ZDHHC7: variants seen among roughly 807,000 people sequenced by gnomAD.
ZDHHC7 encodes palmitoyltransferase ZDHHC7.
ZDHHC7 carries 12 observed loss-of-function variants against 34.1 expected under a neutral mutation model. That is an observed-to-expected ratio of 0.35 (90% CI 0.23 to 0.57). The LOEUF is 0.57. Ranked by LOEUF, ZDHHC7 falls within the 20% of genes least tolerant of loss-of-function variation. The pLI is 0.84. For missense variants in ZDHHC7, 388 were observed against 402.7 expected (o/e 0.96, Z 0.31); for synonymous variants, 185 against 155.4 (o/e 1.19, Z -1.42).
the ZDHHC7 span, among the ~76,000 whole-genome samples, chr16:85,025,557 C>G: frequency 6.6e-6 from 1 of 152,138 alleles, no homozygotes; most frequent in Non-Finnish European, 1.5e-5. Flanking sequence ...CTACAGGCAC[C>G]TGCCACCATG....
chr16:85,019,357 G>A, the ZDHHC7 span, among the ~76,000 whole-genome samples: 1 of 152,138 alleles, frequency 6.6e-6, no homozygotes, highest in African/African-American at 2.4e-5. Flanking sequence ...TCCAAAAGTA[G>A]GCACTCATGT....
chr16:84,979,949 CTTTTTT>C (rs561019555), intron 4 of ZDHHC7, among the ~76,000 whole-genome samples: 2 of 96,006 alleles, frequency 2.1e-5, no homozygotes, highest in African/African-American at 4.4e-5. Context: ...ATAGCGTCAC[CTTTTTT>C]TTTTTTTTTT....
At chr16:84,982,742 C>T (rs891631649) in intron 3 of ZDHHC7, among the ~76,000 whole-genome samples, 3 of 152,254 alleles carry the variant, frequency 2.0e-5, no homozygotes, top group Admixed American at 6.5e-5. Flanking sequence ...TGTCTGGCAA[C>T]GAGGCCGCCC....
chr16:85,019,600 C>T, the ZDHHC7 span, among the ~76,000 whole-genome samples: 1 of 152,070 alleles, frequency 6.6e-6, no homozygotes, highest in Non-Finnish European at 1.5e-5. Context: ...ACCTGTAATC[C>T]CAGCTACCCA....
intron 4 of ZDHHC7, among the ~76,000 whole-genome samples, 181 bp downstream of exon 4, chr16:84,981,689 C>T (rs560936247): frequency 2.0e-5 from 3 of 152,292 alleles, no homozygotes; most frequent in African/African-American, 7.2e-5. Flanking sequence ...TCTAGGGCAC[C>T]GGCCCTTTAC....
rs145046281 is a variant in ZDHHC7 at position 84,992,944 on chromosome 16, G to A, written c.-17-2309C>T. Among the ~76,000 whole-genome samples the A allele has an allele frequency of 2.9e-3, 447 of 152,246 alleles. 3 individuals carry two copies. Among genetic ancestry groups the A allele is most frequent in the African/African-American group, 0.01 (428 of 41,540 alleles). On this transcript the variant is annotated intron_variant, in intron 2 of 7. Transcript: ENST00000313732. ...CAAATACTTTAAAAAATTTCCTCTC[G>A]ATGCAAAAATGCTGACTGGTACAAG...
At chr16:84,997,795 A>G (rs746290131) in intron 1 of ZDHHC7, among the ~76,000 whole-genome samples, 61 of 145,718 alleles carry the variant, frequency 4.2e-4, no homozygotes, top group Non-Finnish European at 8.2e-4. Context: ...CGGGAGGCTG[A>G]GGCAGGAGAA....
upstream of ZDHHC7, among the ~76,000 whole-genome samples, chr16:85,012,623 G>A (rs938235010): frequency 3.3e-5 from 5 of 152,124 alleles, no homozygotes; most frequent in Middle Eastern, 3.4e-3. Flanking sequence ...CCAGAATAAG[G>A]CCAGGTGTGG....
chr16:84,996,790 A>T (rs2143683661), intron 1 of ZDHHC7, among the ~76,000 whole-genome samples: 1 of 152,242 alleles, frequency 6.6e-6, no homozygotes, highest in East Asian at 1.9e-4. Context: ...GCACTTTGGG[A>T]GGCTGAGGCG....
Position 84,974,556 on chromosome 16 carries a change from A to C in ZDHHC7, c.*1787T>G, listed in dbSNP as rs568432917. 1 of 152,812 alleles carries C rather than the reference A, an allele frequency of 6.5e-6. No individual in the cohort carries two copies. The highest frequency in any genetic ancestry group is 6.5e-5 in the Admixed American group (1 of 15,306). 9.5% of individuals were successfully genotyped at this position (152,812 alleles called of 1,614,324 possible). A position where few individuals can be genotyped will look rare whatever the true frequency, so the allele number is the denominator to read the frequency against. The stretch of plus-strand genomic sequence containing the variant: ...TATACTTGATTTGCACACACTTGCC[A>C]AGTCTCACAGGATTCAACCACTTGG... On this transcript the variant is annotated 3_prime_UTR_variant, in exon 8 of 8. Coordinates refer to ENST00000313732, the MANE Select transcript of ZDHHC7 (RefSeq NM_017740.3).
At chr16:85,006,813 T>C (rs1478234395) in intron 1 of ZDHHC7, among the ~76,000 whole-genome samples, 2 of 152,140 alleles carry the variant, frequency 1.3e-5, no homozygotes, top group Non-Finnish European at 2.9e-5. Context: ...TGCGAAACCT[T>C]CTGGCTCTCC....
chr16:84,991,787 C>T (rs745354441), intron 2 of ZDHHC7, among the ~76,000 whole-genome samples: 3 of 152,190 alleles, frequency 2.0e-5, no homozygotes, highest in Non-Finnish European at 4.4e-5. Flanking sequence ...GTAGAGCCAC[C>T]ATGCCCAGCC....
At chr16:84,990,165 A>G (rs2072489409) in intron 3 of ZDHHC7, 139 bp downstream of exon 3, 1 of 1,036,248 alleles carries the variant, frequency 9.7e-7, no homozygotes, top group Non-Finnish European at 1.4e-6. Flanking sequence ...TCTGCTCCCA[A>G]AATGAGCTCA....
intron 7 of ZDHHC7, among the ~76,000 whole-genome samples, 189 bp from the exon 8 acceptor site, chr16:84,976,708 G>C (rs755382315): frequency 1.3e-5 from 2 of 152,200 alleles, no homozygotes; most frequent in Non-Finnish European, 2.9e-5. Context: ...CTGCAGCCAC[G>C]TGGCCAGCCC....
chr16:84,994,983 C>G (rs2072557737), intron 2 of ZDHHC7, among the ~76,000 whole-genome samples: 2 of 152,164 alleles, frequency 1.3e-5, no homozygotes, highest in South Asian at 4.1e-4. Flanking sequence ...GAAACCATTC[C>G]TTTACATGGA....
chr16:85,004,179 C>T (rs1399090500), intron 1 of ZDHHC7, among the ~76,000 whole-genome samples: 2 of 151,990 alleles, frequency 1.3e-5, no homozygotes, highest in African/African-American at 4.8e-5. Context: ...TCTCAATCAA[C>T]GGCACACCAC....
chr16:84,978,789 G>A (rs1347232549), intron 5 of ZDHHC7, among the ~76,000 whole-genome samples: 1 of 150,520 alleles, frequency 6.6e-6, no homozygotes, highest in African/African-American at 2.4e-5. Flanking sequence ...TTGAACTTGG[G>A]AGGCGGAGGT....
chr16:84,987,352 C>T (rs1002259038), intron 3 of ZDHHC7, among the ~76,000 whole-genome samples: 2 of 152,144 alleles, frequency 1.3e-5, no homozygotes, highest in Non-Finnish European at 2.9e-5. Flanking sequence ...CAGTGAGATA[C>T]GGCGTCACAA....
At chr16:84,999,296 G>A (rs1381476216) in intron 1 of ZDHHC7, among the ~76,000 whole-genome samples, 1 of 152,124 alleles carries the variant, frequency 6.6e-6, no homozygotes, top group Non-Finnish European at 1.5e-5. Context: ...AACCACTTTG[G>A]AAAGCAGTCT....
Sources: gnomAD v4.1 joint callset for allele counts (sites outside exome capture counted in the v4.1 genomes callset) on GRCh38, gnomAD v4.1.1 for gene constraint, MANE v1.5 for transcripts, NCBI Gene and HGNC (gene_info 2026-07-23, HGNC 2026-07-21) for gene names.